EIPR1: variants seen among roughly 807,000 people sequenced by gnomAD.
EIPR1 encodes EARP and GARP complex-interacting protein 1.
Under a neutral mutation model 48.1 loss-of-function variants are expected in EIPR1, and 25 were observed. The observed-to-expected ratio is 0.52, with a 90% CI of 0.38 to 0.73. The LOEUF is 0.73. EIPR1 is among the 30% of genes least tolerant of loss of function. The pLI is 0.00. For missense variants in EIPR1, 415 were observed against 506.2 expected, an observed-to-expected ratio of 0.82 and a Z score of 1.73; for synonymous variants, 204 against 201.9, an observed-to-expected ratio of 1.01 and a Z score of -0.09.
chr2:3,290,943 G>C (rs1461748349), intron 3 of EIPR1, among the ~76,000 whole-genome samples: 1 of 152,236 alleles, frequency 6.6e-6, no homozygotes, highest in Admixed American at 6.5e-5. Context: ...CCAGGACTGA[G>C]AGAAAGAGGC....
chr2:3,270,547 A>G (rs1001641510), intron 3 of EIPR1, among the ~76,000 whole-genome samples: 2 of 152,256 alleles, frequency 1.3e-5, no homozygotes, highest in African/African-American at 4.8e-5. Context: ...TATTGCAAAA[A>G]GAGAGTCATA....
intron 1 of EIPR1, among the ~76,000 whole-genome samples, chr2:3,356,238 C>T (rs528868139): frequency 9.9e-5 from 15 of 152,186 alleles, no homozygotes; most frequent in Admixed American, 8.5e-4. Flanking sequence ...TGTGACCTTG[C>T]GCAAAGTGCC....
intron 2 of EIPR1, among the ~76,000 whole-genome samples, chr2:3,347,863 C>T (rs1039552501): frequency 2.0e-5 from 3 of 152,152 alleles, no homozygotes; most frequent in African/African-American, 4.8e-5. Flanking sequence ...CAGGCCTCAT[C>T]GAAAGGAAGC....
In EIPR1 at chr2:3,312,016, A is replaced by G. The variant is rs754122309; in HGVS notation, c.259+26001T>C. 2.0e-5 allele frequency among the ~76,000 whole-genome samples: 3 copies of G among 152,196 alleles called. No individual in the cohort carries two copies. Among genetic ancestry groups the G allele is most frequent in the Non-Finnish European group, 4.4e-5 (3 of 68,022 alleles). On this transcript the variant is annotated intron_variant, in intron 3 of 8. Coordinates refer to ENST00000382125, the MANE Select transcript of EIPR1 (RefSeq NM_003310.5). This position sits in a 1 kb window ranked among gnomAD's most constrained non-coding sequence, Gnocchi z 5.5. ...ACCTGGCGGTCACTCTCGTGCTGAC[A>G]TACAAATGACACCCTCCACCCTATA...
At chr2:3,205,042 C>T (rs1459722267) in intron 5 of EIPR1, among the ~76,000 whole-genome samples, 1 of 152,224 alleles carries the variant, frequency 6.6e-6, no homozygotes, top group Non-Finnish European at 1.5e-5. Context: ...CACCCTCTCA[C>T]CTTGGACAGA....
chr2:3,340,379 G>A (rs1466632736), intron 2 of EIPR1, among the ~76,000 whole-genome samples: 2 of 152,212 alleles, frequency 1.3e-5, no homozygotes, highest in Non-Finnish European at 2.9e-5. Flanking sequence ...CAGGGAGCAT[G>A]CGCGCCCGCC....
intron 3 of EIPR1, among the ~76,000 whole-genome samples, chr2:3,330,672 C>T (rs1274133761): frequency 1.3e-5 from 2 of 151,722 alleles, no homozygotes; most frequent in Non-Finnish European, 2.9e-5. Context: ...GGCAGGTGCA[C>T]ACACATGAGA....
At chr2:3,202,577 G>C (rs972320473) in intron 5 of EIPR1, among the ~76,000 whole-genome samples, 2 of 152,228 alleles carry the variant, frequency 1.3e-5, no homozygotes, top group African/African-American at 4.8e-5. Context: ...ATTCGGCAGA[G>C]TGGCCTGGAC....
chr2:3,371,524 A>G (rs1671114261), intron 1 of EIPR1, among the ~76,000 whole-genome samples: 4 of 152,258 alleles, frequency 2.6e-5, no homozygotes, highest in Admixed American at 2.0e-4. Flanking sequence ...TCAAAATAAA[A>G]GGATGGAGGA....
Position 3,312,681 on chromosome 2 carries a change from G to A in EIPR1, c.259+25336C>T, listed in dbSNP as rs1449592493. ...TGTGCTCAGGGGATAACGGCGGGGT[G>A]GGGAAGAGCCTCCACTGGTCCCTTC... On this transcript the variant is annotated intron_variant, in intron 3 of 8. Coordinates refer to ENST00000382125, the MANE Select transcript of EIPR1 (RefSeq NM_003310.5). The surrounding 1 kb of genome is among the most constrained non-coding windows in gnomAD (Gnocchi z 5.5). Among the ~76,000 whole-genome samples, 1 of 152,144 alleles carries A rather than the reference G, an allele frequency of 6.6e-6. No homozygotes were observed. Among genetic ancestry groups the A allele is most frequent in the Non-Finnish European group, 1.5e-5 (1 of 68,024 alleles).
intron 4 of EIPR1, among the ~76,000 whole-genome samples, chr2:3,220,483 T>A (rs1027413283): frequency 1.3e-5 from 2 of 152,036 alleles, no homozygotes; most frequent in Admixed American, 1.3e-4. Flanking sequence ...ATGTGCATGA[T>A]GGCCGTGGTA....
intron 4 of EIPR1, among the ~76,000 whole-genome samples, chr2:3,247,640 T>C (rs957504537): frequency 6.6e-6 from 1 of 152,212 alleles, no homozygotes; most frequent in African/African-American, 2.4e-5. Context: ...TTAGAGGATG[T>C]GGTGGGTCCA....
chr2:3,250,860 G>A lies in EIPR1; in HGVS notation c.416+6439C>T, dbSNP rs374756419. Among the ~76,000 whole-genome samples, 10 of 152,220 alleles carry A rather than the reference G, an allele frequency of 6.6e-5. No individual in the cohort carries two copies. The East Asian group carries it at 1.5e-3, about 24-fold the overall frequency. On this transcript the variant is annotated intron_variant, in intron 4 of 8. Transcript: ENST00000382125. ...TCCCCCTTCACCTTCCACGATGGTT[G>A]TAAGTTTCCTAAAGCCTCACCAAGA...
At chr2:3,264,298 C>T (rs188081522) in intron 3 of EIPR1, among the ~76,000 whole-genome samples, 9 of 152,322 alleles carry the variant, frequency 5.9e-5, no homozygotes, top group Admixed American at 2.0e-4. Flanking sequence ...CCTGCTGCTG[C>T]GGATGGCAGG....
At chr2:3,340,779 A>G (rs1389191702) in intron 2 of EIPR1, among the ~76,000 whole-genome samples, 1 of 152,182 alleles carries the variant, frequency 6.6e-6, no homozygotes. Flanking sequence ...CCAAAGCAGC[A>G]AACAGCTCAG....
At chr2:3,352,197 T>G (rs1670597660) in intron 2 of EIPR1, among the ~76,000 whole-genome samples, 1 of 145,468 alleles carries the variant, frequency 6.9e-6, no homozygotes, top group Admixed American at 6.8e-5. Flanking sequence ...AGCATATCCA[T>G]GCTACAGAAG....
At chr2:3,229,931 C>CT (rs1480017914) in intron 4 of EIPR1, among the ~76,000 whole-genome samples, 1 of 152,144 alleles carries the variant, frequency 6.6e-6, no homozygotes, top group African/African-American at 2.4e-5. Context: ...CAAATCCTTC[C>CT]TTTTTTTCTT....
chr2:3,369,457 G>A (rs895418994), intron 1 of EIPR1, among the ~76,000 whole-genome samples: 3 of 152,218 alleles, frequency 2.0e-5, no homozygotes, highest in African/African-American at 7.2e-5. Context: ...GAAGTGCAAG[G>A]GGTCAGGGAG....
intron 4 of EIPR1, among the ~76,000 whole-genome samples, chr2:3,253,261 G>A (rs547639863): frequency 6.2e-4 from 94 of 152,204 alleles, no homozygotes; most frequent in African/African-American, 1.9e-3. Context: ...GCTTCGAGTT[G>A]TCCCCCCTTT....
Sources: gnomAD v4.1 joint callset for allele counts (sites outside exome capture counted in the v4.1 genomes callset) on GRCh38, gnomAD v4.1.1 for gene constraint, Gnocchi (gnomAD v3.1) non-coding constraint, MANE v1.5 for transcripts, NCBI Gene and HGNC (gene_info 2026-07-23, HGNC 2026-07-21) for gene names.